The following AKAP6 variants were observed in gnomAD, a reference collection of about 807,000 sequenced individuals.
AKAP6 encodes the protein A-kinase anchor protein 6.
In AKAP6, 58 loss-of-function variants were observed where a neutral mutation model predicts 188.5. That is an observed-to-expected ratio of 0.31 (90% confidence interval 0.25 to 0.38). AKAP6 has a LOEUF of 0.38. AKAP6 is among the 10% of genes least tolerant of loss of function. AKAP6 has a pLI of 1.00. For missense variants in AKAP6, 2,710 were observed against 2,740.0 expected (o/e 0.99, Z 0.24); for synonymous variants, 989 against 998.6 (o/e 0.99, Z 0.18).
At chr14:32,494,541 G>A (rs1594675705) in intron 2 of AKAP6, among the ~76,000 whole-genome samples, 1 of 151,938 alleles carries the variant, frequency 6.6e-6, no homozygotes, top group African/African-American at 2.4e-5. Flanking sequence ...TCATAATTAT[G>A]AAAAATGCTT....
At chr14:32,708,779 C>T (rs1890919195) in intron 9 of AKAP6, among the ~76,000 whole-genome samples, 1 of 151,946 alleles carries the variant, frequency 6.6e-6, no homozygotes, top group South Asian at 2.1e-4. Flanking sequence ...CCTTGACATC[C>T]TTTTGGGTTT....
At chr14:32,596,508 T>C (rs1885710642) in intron 5 of AKAP6, among the ~76,000 whole-genome samples, 1 of 152,190 alleles carries the variant, frequency 6.6e-6, no homozygotes, top group Non-Finnish European at 1.5e-5. Flanking sequence ...TCCTTAGTTA[T>C]CCTTTTCTAG....
chr14:32,352,110 T>TGC (rs1887304061), intron 1 of AKAP6, among the ~76,000 whole-genome samples: 1 of 118,230 alleles, frequency 8.5e-6, no homozygotes, highest in Non-Finnish European at 1.9e-5. Context: ...TGTTTGTGTG[T>TGC]GTGTGTGTGT....
Position 32,520,738 on chromosome 14 carries a change from C to T in AKAP6, c.325-14816C>T, listed in dbSNP as rs949981253. Reference sequence around the variant, plus strand: ...ACCAAAAAAAGTCTAGGACCAGACGCGTTCATAGCCGAATTCTACCAGAGG... The same window carrying T: ...ACCAAAAAAAGTCTAGGACCAGACGTGTTCATAGCCGAATTCTACCAGAGG... On this transcript the variant is annotated intron_variant, in intron 2 of 13. Coordinates refer to ENST00000280979, the MANE Select transcript of AKAP6 (RefSeq NM_004274.5). 5.3e-5 allele frequency among the ~76,000 whole-genome samples: 8 copies of T among 152,126 alleles called. No homozygotes were observed. The East Asian group carries it at 7.7e-4, about 15-fold the overall frequency.
chr14:32,821,216 A>G (rs553889916), intron 12 of AKAP6, among the ~76,000 whole-genome samples, 186 bp from the exon 13 acceptor site: 4 of 152,342 alleles, frequency 2.6e-5, no homozygotes, highest in Non-Finnish European at 4.4e-5. Flanking sequence ...TATTGATAGA[A>G]AAGCCTCTTT....
intron 12 of AKAP6, among the ~76,000 whole-genome samples, chr14:32,799,630 T>C (rs1251741894): frequency 6.6e-6 from 1 of 152,208 alleles, no homozygotes; most frequent in Non-Finnish European, 1.5e-5. Flanking sequence ...GCTACTTTTC[T>C]GTTAATGATT....
At position 32,836,350 on chromosome 14, in the gene AKAP6, A is replaced by G. The variant is rs2034875648; in HGVS notation, c.*6545A>G. On this transcript the variant is annotated 3_prime_UTR_variant, in exon 14 of 14. Coordinates refer to ENST00000280979, the MANE Select transcript of AKAP6 (RefSeq NM_004274.5). Reference sequence around the variant, plus strand: ...CATCTGGTGGAAGGGGCAGTGAACAAGCTCCCTTGGGCCCCTTTTACGAAA... The same window carrying G: ...CATCTGGTGGAAGGGGCAGTGAACAGGCTCCCTTGGGCCCCTTTTACGAAA... 6.6e-6 allele frequency: 1 copy of G among 152,198 alleles called. No individual in the cohort carries two copies. The highest frequency in any genetic ancestry group is 2.4e-5 in the African/African-American group (1 of 41,436). 9.4% of individuals were successfully genotyped at this position (152,198 alleles called of 1,614,324 possible).
chr14:32,381,057 C>A (rs1438372103), intron 1 of AKAP6, among the ~76,000 whole-genome samples: 1 of 152,090 alleles, frequency 6.6e-6, no homozygotes, highest in Non-Finnish European at 1.5e-5. Flanking sequence ...AAAATATCGG[C>A]TGGGCATGGT....
At chr14:32,337,625 G>A (rs936949074) in intron 1 of AKAP6, among the ~76,000 whole-genome samples, 3 of 151,850 alleles carry the variant, frequency 2.0e-5, no homozygotes, top group Non-Finnish European at 4.4e-5. Flanking sequence ...ACAATATGCA[G>A]ATTTGTTACA....
intron 8 of AKAP6, among the ~76,000 whole-genome samples, chr14:32,681,469 G>T (rs1889673448): frequency 6.6e-6 from 1 of 152,020 alleles, no homozygotes; most frequent in African/African-American, 2.4e-5. Flanking sequence ...CTCTCTGTAA[G>T]GATTTATCTG....
At chr14:32,453,271 T>A (rs993324861) in intron 2 of AKAP6, among the ~76,000 whole-genome samples, 3 of 152,206 alleles carry the variant, frequency 2.0e-5, no homozygotes, top group Admixed American at 6.5e-5. Flanking sequence ...TGAATTCTCA[T>A]GTTCAAACTG....
Position 32,433,451 on chromosome 14 carries a change from G to A in AKAP6, c.-34-9G>A. The stretch of plus-strand genomic sequence containing the variant: ...GACTCTTGCTTTCTTCTTTCCTCTT[G>A]CCTTTCAGCTGTTTTGGAAAGAAGT... On this transcript the variant is annotated splice_polypyrimidine_tract_variant and intron_variant, in intron 1 of 13. Coordinates refer to ENST00000280979, the MANE Select transcript of AKAP6 (RefSeq NM_004274.5). The A allele has an allele frequency of 1.3e-6, 2 of 1,550,574 alleles. No homozygotes were observed. The highest frequency in any genetic ancestry group is 1.8e-6 in the Non-Finnish European group (2 of 1,131,782).
intron 11 of AKAP6, among the ~76,000 whole-genome samples, chr14:32,741,028 T>G (rs1365195550): frequency 2.6e-5 from 4 of 151,304 alleles, no homozygotes; most frequent in Non-Finnish European, 4.4e-5. Flanking sequence ...CTTTTTTTTT[T>G]TTTGTGTGTG....
chr14:32,600,941 A>G (rs1594774437), intron 7 of AKAP6, 149 bp downstream of exon 7: 4 of 685,912 alleles, frequency 5.8e-6, no homozygotes, highest in South Asian at 1.2e-4. Context: ...ACAAAATGAA[A>G]TGCCTTAGTT....
intron 5 of AKAP6, among the ~76,000 whole-genome samples, chr14:32,593,372 A>G (rs1165330205): frequency 6.6e-6 from 1 of 152,162 alleles, no homozygotes; most frequent in Non-Finnish European, 1.5e-5. Context: ...CACTGGAGGG[A>G]TGACTTGGCA....
intron 11 of AKAP6, among the ~76,000 whole-genome samples, chr14:32,743,851 G>T (rs2031780294): frequency 6.6e-6 from 1 of 152,040 alleles, no homozygotes; most frequent in Admixed American, 6.5e-5. Context: ...CTGTTTTTCT[G>T]TGTAATTACT....
intron 1 of AKAP6, among the ~76,000 whole-genome samples, chr14:32,398,625 A>AG (rs1213634417): frequency 2.0e-5 from 3 of 152,026 alleles, no homozygotes; most frequent in Admixed American, 6.5e-5. Context: ...GCAGAAGGAG[A>AG]GGGGACAGTC....
chr14:32,799,843 G>C (rs1304014685), intron 12 of AKAP6, among the ~76,000 whole-genome samples: 1 of 151,882 alleles, frequency 6.6e-6, no homozygotes, highest in Non-Finnish European at 1.5e-5. Flanking sequence ...TGATAATGCT[G>C]TTCAGTTCAA....
chr14:32,549,965 T>C (rs1177114291), intron 4 of AKAP6, among the ~76,000 whole-genome samples: 2 of 152,102 alleles, frequency 1.3e-5, no homozygotes, highest in Non-Finnish European at 1.5e-5. Context: ...TGCTGTGATG[T>C]GGATCAGGCA....
Sources: gnomAD v4.1 joint callset for allele counts (sites outside exome capture counted in the v4.1 genomes callset) on GRCh38, gnomAD v4.1.1 for gene constraint, MANE v1.5 for transcripts, NCBI Gene and HGNC (gene_info 2026-07-23, HGNC 2026-07-21) for gene names.